SMAD9: variants seen among roughly 807,000 people sequenced by gnomAD.
The protein encoded by SMAD9 is MAD homolog 9.
In SMAD9, 36 loss-of-function variants were observed where a neutral mutation model predicts 46.1. That is an observed-to-expected ratio of 0.78 (90% CI 0.60 to 1.03). SMAD9 has a LOEUF of 1.03. Among genes scored for constraint, SMAD9 ranks in the 50% least tolerant of loss-of-function variants. The pLI is 0.00. For missense variants in SMAD9, 572 were observed against 599.8 expected (o/e 0.95, Z 0.48); for synonymous variants, 245 against 237.1 (o/e 1.03, Z -0.31).
intron 1 of SMAD9, among the ~76,000 whole-genome samples, chr13:36,897,698 T>G (rs2058539717): frequency 6.6e-6 from 1 of 152,150 alleles, no homozygotes; most frequent in Non-Finnish European, 1.5e-5. Context: ...AAACTGCTAA[T>G]GAAAACTCTT....
At chr13:36,880,413 GTTCT>G (rs1327808693) in intron 1 of SMAD9, among the ~76,000 whole-genome samples, 11 of 152,278 alleles carry the variant, frequency 7.2e-5, no homozygotes, top group Admixed American at 5.9e-4. Flanking sequence ...ACATGAGTAT[GTTCT>G]TTCTTTCTCA....
At chr13:36,904,856 T>C (rs1177465302) in intron 1 of SMAD9, among the ~76,000 whole-genome samples, 2 of 152,280 alleles carry the variant, frequency 1.3e-5, no homozygotes, top group East Asian at 1.9e-4. Flanking sequence ...TTGTTATTTA[T>C]GTTAAATGAC....
At chr13:36,906,850 G>A (rs986134093) in intron 1 of SMAD9, among the ~76,000 whole-genome samples, 7 of 152,148 alleles carry the variant, frequency 4.6e-5, no homozygotes, top group Admixed American at 2.6e-4. Flanking sequence ...GAGAGTCTGG[G>A]AGAGCCTCAA....
intron 2 of SMAD9, among the ~76,000 whole-genome samples, chr13:36,876,849 T>C (rs1340058184): frequency 6.6e-6 from 1 of 152,146 alleles, no homozygotes; most frequent in African/African-American, 2.4e-5. Flanking sequence ...TCCTAAAATA[T>C]TTACTTTAAA....
At chr13:36,906,054 TAAC>T (rs749420334) in intron 1 of SMAD9, among the ~76,000 whole-genome samples, 3 of 152,078 alleles carry the variant, frequency 2.0e-5, no homozygotes, top group East Asian at 3.9e-4. Context: ...AAGGGAAAAA[TAAC>T]AAAGACTCTA....
chr13:36,869,473 A>T, intron 3 of SMAD9, among the ~76,000 whole-genome samples: 1 of 152,138 alleles, frequency 6.6e-6, no homozygotes, highest in African/African-American at 2.4e-5. Flanking sequence ...CCGCCTGCCT[A>T]AGCCTCCCAA....
chr13:36,914,245 C>A (rs192945653), intron 1 of SMAD9, among the ~76,000 whole-genome samples: 1 of 152,184 alleles, frequency 6.6e-6, no homozygotes, highest in Non-Finnish European at 1.5e-5. Flanking sequence ...TCGGGCCAGG[C>A]GCGGTGGATC....
chr13:36,863,808 A>T (rs2058206255), intron 5 of SMAD9, among the ~76,000 whole-genome samples: 1 of 152,164 alleles, frequency 6.6e-6, no homozygotes, highest in Admixed American at 6.5e-5. Flanking sequence ...CCAGAAGCAC[A>T]TGCCAGTACA....
In SMAD9 at chr13:36,845,112, G is replaced by GTATA. The variant is rs2058030436; in HGVS notation, c.*3563_*3564insTATA. The GTATA allele has an allele frequency of 1.4e-5, 1 of 70,770 alleles. No homozygotes were observed. The highest frequency in any genetic ancestry group is 1.3e-4 in the Admixed American group (1 of 7,936). 4.4% of individuals were successfully genotyped at this position (70,770 alleles called of 1,614,324 possible). ...TTGTTGAATATATATGTGTGTGTGT[G>GTATA]TGTATATATATATATATATATACAC... On this transcript the variant is annotated 3_prime_UTR_variant, in exon 7 of 7. Coordinates refer to ENST00000379826, the MANE Select transcript of SMAD9 (RefSeq NM_001127217.3).
upstream of SMAD9, chr13:36,920,308 G>GCCCGCCCCCGCC (rs540930729): frequency 0.16 from 23,877 of 148,162 alleles, 2,446 homozygotes; most frequent in Non-Finnish European, 0.23. Context: ...CCTGCTTGCG[G>GCCCGCCCCCGCC]CCCGCCCCCG....
chr13:36,867,362 T>A lies in SMAD9; in HGVS notation c.692A>T (p.Tyr231Phe), dbSNP rs1188385662. ...GGTCTCAGAGGCTTCTGTGGCATGATAAGGCAGGGGTGGTGTGTCAACTAA... is the reference window on the plus strand; with the variant it reads ...GGTCTCAGAGGCTTCTGTGGCATGAAAAGGCAGGGGTGGTGTGTCAACTAA... The part of the protein sequence containing the change: ...QHSVDTPPLP[Y>F]HATEASETQS... Residue 231 changes from tyrosine (Y) to phenylalanine (F), a missense_variant, in exon 4 of 7, where the codon TAT (tyrosine) becomes TTT (phenylalanine). Tyr to Phe is a conservative substitution (Grantham distance 22). Coordinates refer to ENST00000379826, the MANE Select transcript of SMAD9 (RefSeq NM_001127217.3). The A allele has an allele frequency of 6.4e-7, 1 of 1,550,720 alleles. No homozygotes were observed.
rs761759124 is a variant in SMAD9, at chr13:36,879,523, T to G, written c.167A>C (p.Glu56Ala). The change falls in exon 2 of 7, where the codon GAG (glutamate) becomes GCG (alanine). Residue 56 changes from glutamate to alanine, a missense_variant. Glu to Ala is a moderately radical substitution (Grantham distance 107, BLOSUM62 -1). Coordinates refer to ENST00000379826, the MANE Select transcript of SMAD9 (RefSeq NM_001127217.3). Reference protein sequence around the residue: ...KKKKGAMDELERALSCPGQPS... With the variant: ...KKKKGAMDELARALSCPGQPS... ...CTGCCCCGGGCAGCTGAGAGCCCTC[T>G]CCAGCTCGTCCATGGCTCCCTTCTT... The G allele has an allele frequency of 1.9e-6, 3 of 1,614,174 alleles. No homozygotes were observed. Among genetic ancestry groups the G allele is most frequent in the Non-Finnish European group, 2.5e-6 (3 of 1,180,026 alleles).
intron 1 of SMAD9, among the ~76,000 whole-genome samples, chr13:36,905,133 GT>G (rs1474985440): frequency 6.6e-6 from 1 of 152,180 alleles, no homozygotes; most frequent in Non-Finnish European, 1.5e-5. Context: ...CTGGCCTCTA[GT>G]GGGCAGAGGT....
chr13:36,866,502 G>A (rs1172495100), intron 4 of SMAD9, among the ~76,000 whole-genome samples: 2 of 152,102 alleles, frequency 1.3e-5, no homozygotes, highest in African/African-American at 4.8e-5. Context: ...CCTTTCTAGT[G>A]ATTGTATTAC....
Position 36,879,710 on chromosome 13 carries a change from G to C in SMAD9, c.-21C>G, listed in dbSNP as rs754412108. The C allele has an allele frequency of 6.2e-7, 1 of 1,612,784 alleles. No individual in the cohort carries two copies. The highest frequency in any genetic ancestry group is 2.2e-5 in the East Asian group (1 of 44,876). ...TGCATAAGAGGCCACAGCAGGCTCC[G>C]GCGCGCACGGGAACCGCACAGCCCT... On this transcript the variant is annotated 5_prime_UTR_variant, in exon 2 of 7. Transcript: ENST00000379826.
intron 1 of SMAD9, among the ~76,000 whole-genome samples, chr13:36,886,524 GC>G (rs2058446256): frequency 6.6e-6 from 1 of 152,276 alleles, no homozygotes; most frequent in African/African-American, 2.4e-5. Flanking sequence ...GAGCTGAGCT[GC>G]ATGTCAGCCT....
chr13:36,844,983 A>T lies in SMAD9; in HGVS notation c.*3693T>A, dbSNP rs1301548793. 2 of 152,210 alleles carry T rather than the reference A, an allele frequency of 1.3e-5. No homozygotes were observed. The highest frequency in any genetic ancestry group is 4.8e-5 in the African/African-American group (2 of 41,458). The allele number at this position is 152,210 out of a possible 1,614,324, so 9.4% of individuals were successfully genotyped here. On this transcript the variant is annotated 3_prime_UTR_variant, in exon 7 of 7. Transcript: ENST00000379826. The stretch of plus-strand genomic sequence containing the variant: ...TGTTAATCTGTTTTACATTAATTTG[A>T]ATTTAACATATGCTAGGATCACCTA...
chr13:36,886,610 G>A (rs1441900388), intron 1 of SMAD9, among the ~76,000 whole-genome samples: 1 of 152,264 alleles, frequency 6.6e-6, no homozygotes, highest in Non-Finnish European at 1.5e-5. Context: ...CTGCCCAGTG[G>A]GGAGCAAAGC....
rs116529383 is a variant in SMAD9 at position 36,913,793 on chromosome 13, C to T, written c.-187+6323G>A. 4.9e-3 allele frequency among the ~76,000 whole-genome samples: 739 copies of T among 152,272 alleles called. 4 individuals are homozygous for T. Among genetic ancestry groups the T allele is most frequent in the African/African-American group, 0.017 (710 of 41,546 alleles). ...ACTTCCACTAGAAAACAAAGAATGA[C>T]TAAATGCATAAACAAGACAAAGAAA... On this transcript the variant is annotated intron_variant, in intron 1 of 6. Transcript: ENST00000379826.
Sources: allele counts gnomAD v4.1 joint callset (sites outside exome capture counted in the v4.1 genomes callset), GRCh38; gene constraint gnomAD v4.1.1; transcripts MANE v1.5; gene names NCBI Gene and HGNC (gene_info 2026-07-23, HGNC 2026-07-21).